SLC34A1: variants seen among roughly 807,000 people sequenced by gnomAD.
The protein encoded by SLC34A1 is sodium-dependent phosphate transport protein 2A.
SLC34A1 carries 57 observed loss-of-function variants against 51.4 expected under a neutral mutation model. That is an observed-to-expected ratio of 1.11 (90% CI 0.90 to 1.38). SLC34A1 has a LOEUF of 1.38. Among genes scored for constraint, SLC34A1 ranks in the 40% most tolerant of loss-of-function variants. The pLI is 0.00. For synonymous variants in SLC34A1, 368 were observed against 358.0 expected, an observed-to-expected ratio of 1.03 and a Z score of -0.32; for missense variants, 796 against 835.6, an observed-to-expected ratio of 0.95 and a Z score of 0.58.
intron 12 of SLC34A1, chr5:177,397,530 C>T (rs1299844342): frequency 2.4e-5 from 14 of 585,004 alleles, no homozygotes; most frequent in African/African-American, 9.3e-5. Flanking sequence ...GATTCCTGTG[C>T]GAGGGGTCAG....
chr5:177,390,701 T>G (rs956622014), intron 8 of SLC34A1, among the ~76,000 whole-genome samples: 2 of 151,612 alleles, frequency 1.3e-5, no homozygotes, highest in Non-Finnish European at 2.9e-5. Flanking sequence ...GGCACAGTGC[T>G]CTCCCTCGGC....
At chr5:177,391,812 C>A (rs140332212) in intron 8 of SLC34A1, among the ~76,000 whole-genome samples, 2 of 152,352 alleles carry the variant, frequency 1.3e-5, no homozygotes, top group East Asian at 3.9e-4. Context: ...GTAACCTTTA[C>A]AGCAGCTCCT....
At position 177,387,811 on chromosome 5, in the gene SLC34A1, C is replaced by T. The variant is rs773682981; in HGVS notation, c.582C>T (p.Gly194=). 6.2e-7 allele frequency: 1 copy of T among 1,613,896 alleles called. No homozygotes were observed. Among genetic ancestry groups the T allele is most frequent in the Non-Finnish European group, 8.5e-7 (1 of 1,179,966 alleles). The change falls in exon 6 of 13, where the codon GGC becomes GGT. Residue 194 remains glycine, a synonymous_variant. Transcript: ENST00000324417. ...CCATCATCATGGGCTCCAACATCGG[C>T]ACCTCTGTCACCAACACCATCGTGG... ...AIPIIMGSNI[G]TSVTNTIVAL... is the part of the protein sequence containing the mutation.
In SLC34A1 at chr5:177,388,081, G is replaced by A. The variant is rs1762662417; in HGVS notation, c.732G>A (p.Leu244=). The A allele has an allele frequency of 1.2e-6, 2 of 1,614,098 alleles. No homozygotes were observed. Among genetic ancestry groups the A allele is most frequent in the African/African-American group, 1.3e-5 (1 of 75,042 alleles). Residue 244 remains leucine, a synonymous_variant, in exon 7 of 13, where the codon CTG becomes CTA. Coordinates refer to ENST00000324417, the MANE Select transcript of SLC34A1 (RefSeq NM_003052.5). This position sits in a 1 kb window ranked among gnomAD's most constrained non-coding sequence, Gnocchi z 4.3. ...LLPLEAATGY[L]HHITRLVVAS... is the part of the protein sequence containing the mutation. Reference sequence around the variant, plus strand: ...CCCTGGAGGCTGCCACTGGCTACCTGCACCACATCACTCGACTTGTGGTGG... The same window carrying A: ...CCCTGGAGGCTGCCACTGGCTACCTACACCACATCACTCGACTTGTGGTGG...
intron 9 of SLC34A1, 46 bp downstream of exon 9, chr5:177,393,809 G>A: frequency 6.3e-7 from 1 of 1,597,736 alleles, no homozygotes; most frequent in Non-Finnish European, 8.6e-7. Flanking sequence ...CAGGGGCAGA[G>A]CCTAGCAGTG....
At chr5:177,391,947 C>T (rs1157800459) in intron 8 of SLC34A1, among the ~76,000 whole-genome samples, 3 of 152,206 alleles carry the variant, frequency 2.0e-5, no homozygotes, top group Admixed American at 2.0e-4. Context: ...CTCTCTCTCC[C>T]TTACCCTCGC....
At position 177,387,860 on chromosome 5, in the gene SLC34A1, A is replaced by T. The variant is rs1392921105; in HGVS notation, c.631A>T (p.Thr211Ser). 1.3e-6 allele frequency: 2 copies of T among 1,583,866 alleles called. No homozygotes were observed. The highest frequency in any genetic ancestry group is 2.9e-5 in the African/African-American group (2 of 69,396). Residue 211 changes from threonine (T) to serine (S), a missense_variant, in exon 6 of 13, where the codon ACT (threonine) becomes TCT (serine). Thr to Ser is a moderately conservative substitution (Grantham distance 58, BLOSUM62 1). Coordinates refer to ENST00000324417, the MANE Select transcript of SLC34A1 (RefSeq NM_003052.5). ...IVALMQAGDR[T>S]DFRRAFAGAT... ...GGCCCTGATGCAGGCGGGGGACAGG[A>T]CTGACTTCCGGCGGTGAGGGGGGCT... is the stretch of plus-strand genomic sequence containing the variant.
chr5:177,393,998 G>T, intron 9 of SLC34A1, 30 bp from the exon 10 acceptor site: 2 of 1,613,712 alleles, frequency 1.2e-6, no homozygotes, highest in Non-Finnish European at 1.7e-6. Context: ...CAGGTGTGGG[G>T]TCAGCTGTCA....
rs148575220 is a variant in SLC34A1, at chr5:177,398,085, A to G, written c.1719A>G (p.Leu573=). ...SRSPGHLPKW[L]QTWDFLPRWM... ...GTCCCGGGCACCTGCCCAAGTGGTT[A>G]CAGACATGGGACTTCCTGCCTCGCT... The change falls in exon 13 of 13, where the codon TTA becomes TTG. Residue 573 remains leucine, a synonymous_variant. Coordinates refer to ENST00000324417, the MANE Select transcript of SLC34A1 (RefSeq NM_003052.5). This position sits in a 1 kb window ranked among gnomAD's most constrained non-coding sequence, Gnocchi z 4.7. 1.2e-4 allele frequency: 193 copies of G among 1,613,274 alleles called. No homozygotes were observed. Among genetic ancestry groups the G allele is most frequent in the Admixed American group, 4.8e-4 (29 of 60,010 alleles).
intron 10 of SLC34A1, among the ~76,000 whole-genome samples, chr5:177,394,503 GACAA>G (rs1201380517): frequency 5.3e-5 from 8 of 152,168 alleles, no homozygotes; most frequent in East Asian, 1.9e-4. Flanking sequence ...ACAGAGGTGA[GACAA>G]ACAGAGTTGG....
rs73804338 is a variant in SLC34A1, at chr5:177,385,907, A to G, written c.109+57A>G. The G allele has an allele frequency of 9.5e-3, 15,347 of 1,610,158 alleles. 889 individuals carry two copies. The African/African-American group carries it at 0.15, about 16-fold the overall frequency. On this transcript the variant is annotated intron_variant, in intron 2 of 12. Transcript: ENST00000324417. ...TTGCCCACGGTTGCCCACATCCCGG[A>G]TGAGGCCACTTCCCCCGCCTGTTCC... is the stretch of plus-strand genomic sequence containing the variant.
rs768964836 is a variant in SLC34A1 at position 177,385,846 on chromosome 5, T to A, written c.105T>A (p.Pro35=). 1 of 1,613,446 alleles carries A rather than the reference T, an allele frequency of 6.2e-7. No homozygotes were observed. Among genetic ancestry groups the A allele is most frequent in the Admixed American group, 1.7e-5 (1 of 59,996 alleles). ...RGTAFAYVPS[P]QVLHRIPGTS... is the part of the protein sequence containing the mutation. ...CGGCCTTTGCCTACGTGCCCAGCCC[T>A]CAGGGTAAGTGCTGCTCCCACACCC... is the stretch of plus-strand genomic sequence containing the variant. Residue 35 remains proline (P), a synonymous_variant, in exon 2 of 13, where the codon CCT becomes CCA. Coordinates refer to ENST00000324417, the MANE Select transcript of SLC34A1 (RefSeq NM_003052.5).
rs774126797 is a variant in SLC34A1 at position 177,396,848 on chromosome 5, C to T, written c.1290C>T (p.Ile430=). 1.2e-5 allele frequency: 20 copies of T among 1,614,084 alleles called. No homozygotes were observed. The East Asian group carries it at 2.4e-4, about 20-fold the overall frequency. ...SVFTSAITPL[I]GLGVISIERA... is the part of the protein sequence containing the mutation. Reference sequence around the variant, plus strand: ...TCACCTCGGCCATCACCCCACTCATCGGTGAGTGCCCATGTAGAGGTGGAG... The same window carrying T: ...TCACCTCGGCCATCACCCCACTCATTGGTGAGTGCCCATGTAGAGGTGGAG... The change falls in exon 11 of 13, where the codon ATC becomes ATT. Residue 430 remains isoleucine (I), a splice_region_variant and synonymous_variant. Coordinates refer to ENST00000324417, the MANE Select transcript of SLC34A1 (RefSeq NM_003052.5). This position sits in a 1 kb window ranked among gnomAD's most constrained non-coding sequence, Gnocchi z 4.0.
chr5:177,392,875 A>C (rs1053991268), intron 8 of SLC34A1, among the ~76,000 whole-genome samples: 4 of 152,170 alleles, frequency 2.6e-5, no homozygotes, highest in Non-Finnish European at 5.9e-5. Flanking sequence ...TCAGCCCCCC[A>C]AAGTGCTGGG....
rs892685959 is a variant in SLC34A1, at chr5:177,393,588, G to A, written c.937-106G>A. On this transcript the variant is annotated intron_variant, in intron 8 of 12. Coordinates refer to ENST00000324417, the MANE Select transcript of SLC34A1 (RefSeq NM_003052.5). The stretch of plus-strand genomic sequence containing the variant: ...CAAGAGACCCATCCATGGTCACAGA[G>A]CAGGAGGCCCATCTCCATCTTCCCC... 8 of 1,038,200 alleles carry A rather than the reference G, an allele frequency of 7.7e-6. No homozygotes were observed. In the Admixed American group the frequency reaches 1.2e-4, roughly 16 times the overall value. The allele number at this position is 1,038,200 out of a possible 1,614,324, so 64.3% of individuals were successfully genotyped here.
chr5:177,387,906 TG>T, intron 6 of SLC34A1, 33 bp downstream of exon 6: 1 of 1,525,828 alleles, frequency 6.6e-7, no homozygotes. Flanking sequence ...GGCTCGTGCC[TG>T]GGGGAGGACA....
At chr5:177,397,731 C>G in intron 12 of SLC34A1, 52 bp from the exon 13 acceptor site, 15 of 1,599,442 alleles carry the variant, frequency 9.4e-6, no homozygotes, top group Non-Finnish European at 1.3e-5. Flanking sequence ...TGGCCTGACA[C>G]AGGACCTGGG....
Position 177,397,241 on chromosome 5 carries a change from G to C in SLC34A1, c.1416+167G>C, listed in dbSNP as rs924833540. On this transcript the variant is annotated intron_variant, in intron 12 of 12. Coordinates refer to ENST00000324417, the MANE Select transcript of SLC34A1 (RefSeq NM_003052.5). ...GCAAAGTAGACCCAATACCACCCTC[G>C]AGACCTTAGCATCTAATAGGGAGAC... 9.2e-6 allele frequency: 7 copies of C among 759,070 alleles called. No individual in the cohort carries two copies. In the East Asian group the frequency reaches 1.9e-4, roughly 21 times the overall value. The allele number at this position is 759,070 out of a possible 1,614,324, so 47.0% of individuals were successfully genotyped here. A position where few individuals can be genotyped will look rare whatever the true frequency, so the allele number is the denominator to read the frequency against.
rs1762999313 is a variant in SLC34A1 at position 177,397,183 on chromosome 5, G to A, written c.1416+109G>A. 7 of 1,417,952 alleles carry A rather than the reference G, an allele frequency of 4.9e-6. No homozygotes were observed. The Middle Eastern group carries it at 7.4e-4, about 149-fold the overall frequency. The allele number at this position is 1,417,952 out of a possible 1,614,324, so 87.8% of individuals were successfully genotyped here. A position where few individuals can be genotyped will look rare whatever the true frequency, so the allele number is the denominator to read the frequency against. ...ACAAATATTTTGACTGCCTACTAAG[G>A]GCCACCTAATATGCTCAATGAAACC... On this transcript the variant is annotated intron_variant, in intron 12 of 12. Coordinates refer to ENST00000324417, the MANE Select transcript of SLC34A1 (RefSeq NM_003052.5).
Sources: allele counts gnomAD v4.1 joint callset (sites outside exome capture counted in the v4.1 genomes callset), GRCh38; gene constraint gnomAD v4.1.1; non-coding constraint Gnocchi (gnomAD v3.1); transcripts MANE v1.5; gene names NCBI Gene and HGNC (gene_info 2026-07-23, HGNC 2026-07-21).